Variants in SLC10A6 observed in about 807,000 individuals in gnomAD.
SLC10A6 encodes the protein solute carrier family 10 member 6.
A neutral mutation model predicts 30.0 loss-of-function variants in SLC10A6; 27 were observed. That is an observed-to-expected ratio of 0.90 (90% CI 0.66 to 1.24). SLC10A6 has a LOEUF of 1.24. Ranked by LOEUF, SLC10A6 falls within the 50% of genes most tolerant of loss-of-function variation. The pLI is 0.00. For missense variants in SLC10A6, 439 were observed against 457.0 expected (o/e 0.96, Z 0.36); for synonymous variants, 166 against 173.8 (o/e 0.95, Z 0.36).
At chr4:86,826,931 G>A (rs1480839580) in intron 4 of SLC10A6, among the ~76,000 whole-genome samples, 1 of 152,114 alleles carries the variant, frequency 6.6e-6, no homozygotes, top group South Asian at 2.1e-4. Context: ...GTGTAATGAG[G>A]GGGTGAAAAT....
At chr4:86,837,729 G>A (rs1490171978) in intron 1 of SLC10A6, 1 of 583,158 alleles carries the variant, frequency 1.7e-6, no homozygotes, top group Non-Finnish European at 2.2e-6. Context: ...ATGGAAAGAA[G>A]ATACCCATCA....
intron 1 of SLC10A6, among the ~76,000 whole-genome samples, chr4:86,847,308 C>CTAATA (rs1746408043): frequency 6.6e-6 from 1 of 152,164 alleles, no homozygotes; most frequent in Non-Finnish European, 1.5e-5. Context: ...CTATGGGGCA[C>CTAATA]TTAATAAATA....
rs1318374450 is a variant in SLC10A6, at chr4:86,848,956, C to A, written c.160G>T (p.Glu54Ter). The A allele has an allele frequency of 6.2e-7, 1 of 1,613,484 alleles. No homozygotes were observed. The change falls in exon 1 of 6, where the codon GAG (glutamate) becomes TAG (stop). Residue 54 changes from glutamate (E) to a stop codon, truncating the protein, a stop_gained. Coordinates refer to ENST00000273905, the MANE Select transcript of SLC10A6 (RefSeq NM_197965.3). LOFTEE classifies it high-confidence loss of function. ...ATGTGCGACCACAGCTTCCGGATCT[C>A]CACGGAACATCCCAAAGAGAACATG... ...LLMFSLGCSVEIRKLWSHIRR... is the reference protein window; with the variant it reads ...LLMFSLGCSV
At chr4:86,831,701 A>G in intron 3 of SLC10A6, 91 bp downstream of exon 3, 2 of 1,062,382 alleles carry the variant, frequency 1.9e-6, no homozygotes, top group Non-Finnish European at 2.9e-6. Flanking sequence ...GGCCGTACTC[A>G]ACAAGCTCAC....
At chr4:86,824,002 G>T in intron 5 of SLC10A6, 100 bp from the exon 6 acceptor site, 1 of 1,085,472 alleles carries the variant, frequency 9.2e-7, no homozygotes, top group Non-Finnish European at 1.3e-6. Context: ...TGTTTCAGTG[G>T]CATCATGTAT....
chr4:86,843,018 T>C (rs1746333781), intron 1 of SLC10A6, among the ~76,000 whole-genome samples: 1 of 151,700 alleles, frequency 6.6e-6, no homozygotes, highest in Non-Finnish European at 1.5e-5. Flanking sequence ...ATTACAGGCA[T>C]GCATCACCAC....
At chr4:86,846,538 G>T (rs1456247887) in intron 1 of SLC10A6, among the ~76,000 whole-genome samples, 1 of 152,106 alleles carries the variant, frequency 6.6e-6, no homozygotes, top group Non-Finnish European at 1.5e-5. Context: ...TGGCCAACAT[G>T]GCGAAACCCC....
At chr4:86,843,236 C>G (rs1746336660) in intron 1 of SLC10A6, among the ~76,000 whole-genome samples, 1 of 152,008 alleles carries the variant, frequency 6.6e-6, no homozygotes, top group African/African-American at 2.4e-5. Context: ...TTCACTCATT[C>G]ACTCATGTTT....
Position 86,848,937 on chromosome 4 carries a change from G to A in SLC10A6, c.179C>T (p.Ser60Leu), listed in dbSNP as rs373465762. 29 of 1,613,860 alleles carry A rather than the reference G, an allele frequency of 1.8e-5. No individual in the cohort carries two copies. The East Asian group carries it at 4.0e-4, about 22-fold the overall frequency. ...AATGCCCCAGGGTCTCCTGATGTGC[G>A]ACCACAGCTTCCGGATCTCCACGGA... ...GCSVEIRKLW[S>L]HIRRPWGIAV... Residue 60 changes from serine (S) to leucine (L), a missense_variant, in exon 1 of 6, where the codon TCG (serine) becomes TTG (leucine). Ser to Leu is a moderately radical substitution (Grantham distance 145). Coordinates refer to ENST00000273905, the MANE Select transcript of SLC10A6 (RefSeq NM_197965.3).
intron 1 of SLC10A6, among the ~76,000 whole-genome samples, chr4:86,846,301 G>C (rs1485001634): frequency 6.6e-6 from 1 of 151,672 alleles, no homozygotes; most frequent in Non-Finnish European, 1.5e-5. Context: ...AGTTTTGTTG[G>C]TAAGACTCAA....
Position 86,828,075 on chromosome 4 carries a change from GA to G in SLC10A6, c.678del (p.Leu227Ter). The G allele has an allele frequency of 6.2e-7, 1 of 1,614,014 alleles. No individual in the cohort carries two copies. Among genetic ancestry groups the G allele is most frequent in the Non-Finnish European group, 8.5e-7 (1 of 1,179,934 alleles). ...AKGSWNSDITLLTISFIFPLI... is the reference protein window; with the variant it reads ...AKGSWNSDITXLTISFIFPLI... ...AAAGGAAAGATGAAACTGATGGTCA[GA>G]AGGGTGATGTCTGAATTCCAAGATC... On this transcript the variant is annotated frameshift_variant, in exon 4 of 6. Coordinates refer to ENST00000273905, the MANE Select transcript of SLC10A6 (RefSeq NM_197965.3). LOFTEE classifies it high-confidence loss of function.
At chr4:86,848,482 G>A (rs1288752389) in intron 1 of SLC10A6, among the ~76,000 whole-genome samples, 1 of 152,200 alleles carries the variant, frequency 6.6e-6, no homozygotes, top group Non-Finnish European at 1.5e-5. Flanking sequence ...TGGGTGAGGT[G>A]CAGACCTGCC....
At chr4:86,829,913 T>G (rs1329992772) in intron 3 of SLC10A6, among the ~76,000 whole-genome samples, 1 of 152,262 alleles carries the variant, frequency 6.6e-6, no homozygotes, top group Non-Finnish European at 1.5e-5. Flanking sequence ...GATGGACTGA[T>G]AGAGGAGCTG....
chr4:86,827,693 A>G (rs931439758), intron 4 of SLC10A6, among the ~76,000 whole-genome samples: 1 of 152,218 alleles, frequency 6.6e-6, no homozygotes, highest in Non-Finnish European at 1.5e-5. Flanking sequence ...ATTTTGATGC[A>G]TAGAATTCTT....
chr4:86,823,981 C>G, intron 5 of SLC10A6, 79 bp from the exon 6 acceptor site: 1 of 1,320,498 alleles, frequency 7.6e-7, no homozygotes, highest in Non-Finnish European at 1.0e-6. Flanking sequence ...CTTGTCAATC[C>G]TTCAGGTGTT....
rs1746085428 is a variant in SLC10A6, at chr4:86,831,780, G to T, written c.585+12C>A. 1 of 1,607,762 alleles carries T rather than the reference G, an allele frequency of 6.2e-7. No individual in the cohort carries two copies. Among genetic ancestry groups the T allele is most frequent in the South Asian group, 1.1e-5 (1 of 90,282 alleles). On this transcript the variant is annotated intron_variant, in intron 3 of 5. Transcript: ENST00000273905. ...CTGAGGACGTGCCAACAGTGGCCAT[G>T]AAGTCACTCACCTTGAGAATGATTT... is the stretch of plus-strand genomic sequence containing the variant.
Position 86,825,178 on chromosome 4 carries a change from G to A in SLC10A6, c.919+242C>T, listed in dbSNP as rs368433424. ...AAGTTCTGATAGTGGATTCACTTTT[G>A]TGAAGTATATTTGTTTATAATTATA... is the stretch of plus-strand genomic sequence containing the variant. On this transcript the variant is annotated intron_variant, in intron 5 of 5. Transcript: ENST00000273905. Among the ~76,000 whole-genome samples the A allele has an allele frequency of 2.6e-4, 40 of 152,290 alleles. No homozygotes were observed. In the South Asian group the frequency reaches 7.9e-3, roughly 30 times the overall value.
rs748715105 is a variant in SLC10A6 at position 86,823,797 on chromosome 4, T to C, written c.1025A>G (p.Asn342Ser). ...TRKSTSSRET[N>S]AFLEVNEEGA... ...TTCTTCATTCACCTCCAAGAAGGCA[T>C]TGGTCTCTCTGGAAGAAGTCGATTT... Residue 342 changes from asparagine (N) to serine (S), a missense_variant, in exon 6 of 6, where the codon AAT (asparagine) becomes AGT (serine). By Grantham distance (46) the Asn-to-Ser change is conservative. Coordinates refer to ENST00000273905, the MANE Select transcript of SLC10A6 (RefSeq NM_197965.3). The C allele has an allele frequency of 1.9e-6, 3 of 1,614,108 alleles. No individual in the cohort carries two copies. The highest frequency in any genetic ancestry group is 2.5e-6 in the Non-Finnish European group (3 of 1,180,034).
chr4:86,848,146 G>A (rs1220494502), intron 1 of SLC10A6, among the ~76,000 whole-genome samples: 1 of 152,176 alleles, frequency 6.6e-6, no homozygotes, highest in Non-Finnish European at 1.5e-5. Flanking sequence ...AAAGCAACAA[G>A]AAAGAACAAT....
Sources: allele counts gnomAD v4.1 joint callset (sites outside exome capture counted in the v4.1 genomes callset), GRCh38; gene constraint gnomAD v4.1.1; transcripts MANE v1.5; gene names NCBI Gene and HGNC (gene_info 2026-07-23, HGNC 2026-07-21).